The following ASIC2 variants were observed in gnomAD, a reference collection of about 807,000 sequenced individuals.
ASIC2 encodes acid-sensing ion channel 2.
Under a neutral mutation model 57.3 loss-of-function variants are expected in ASIC2, and 25 were observed. The ratio of observed to expected loss-of-function variants is 0.44; its 90% confidence interval spans 0.32 to 0.61. The LOEUF (loss-of-function observed/expected upper bound fraction) is 0.61. ASIC2 is among the 20% of genes least tolerant of loss of function. The pLI, the probability that ASIC2 is intolerant of heterozygous loss-of-function variation, is 0.06. For missense variants in ASIC2, 641 were observed against 738.1 expected (o/e 0.87, Z 1.52); for synonymous variants, 319 against 307.5 (o/e 1.04, Z -0.39).
chr17:33,399,144 G>C (rs34187563), intron 1 of ASIC2, among the ~76,000 whole-genome samples: 19,020 of 152,058 alleles, frequency 0.13, 1,256 homozygotes, highest in Middle Eastern at 0.15. Flanking sequence ...GAAATATGGG[G>C]TTGGAGGTGC....
At chr17:33,275,467 C>A (rs1467928796) in intron 1 of ASIC2, among the ~76,000 whole-genome samples, 1 of 152,206 alleles carries the variant, frequency 6.6e-6, no homozygotes, top group Non-Finnish European at 1.5e-5. Flanking sequence ...CAATTAATGA[C>A]TCCCAGTGGC....
At chr17:34,054,411 G>A (rs1185474867) in intron 1 of ASIC2, among the ~76,000 whole-genome samples, 1 of 152,142 alleles carries the variant, frequency 6.6e-6, no homozygotes, top group Non-Finnish European at 1.5e-5. Context: ...TCTACTTCCT[G>A]GCTCACAGTA....
At chr17:33,778,745 G>A (rs1911359531) in intron 1 of ASIC2, among the ~76,000 whole-genome samples, 1 of 152,180 alleles carries the variant, frequency 6.6e-6, no homozygotes, top group African/African-American at 2.4e-5. Context: ...AGATGGGAAA[G>A]AGTAACTAAA....
At chr17:33,514,373 C>T (rs539138802) in intron 1 of ASIC2, among the ~76,000 whole-genome samples, 1 of 152,238 alleles carries the variant, frequency 6.6e-6, no homozygotes, top group Admixed American at 6.5e-5. Context: ...CTCCATCTCC[C>T]CATCCTCTCT....
At chr17:33,123,730 G>T (rs1412230115) in intron 1 of ASIC2, among the ~76,000 whole-genome samples, 1 of 152,204 alleles carries the variant, frequency 6.6e-6, no homozygotes, top group Admixed American at 6.5e-5. Flanking sequence ...ATGGGCTTGG[G>T]TGGGCTAATT....
chr17:33,673,697 CG>C (rs1000287910), intron 1 of ASIC2, among the ~76,000 whole-genome samples: 9 of 152,124 alleles, frequency 5.9e-5, no homozygotes, highest in Non-Finnish European at 5.9e-5. Context: ...AAAACTCTCT[CG>C]GGGAGAAACA....
At chr17:33,755,320 AACCC>A (rs1243097320) in intron 1 of ASIC2, among the ~76,000 whole-genome samples, 1 of 152,182 alleles carries the variant, frequency 6.6e-6, no homozygotes, top group East Asian at 1.9e-4. Flanking sequence ...AGCCCAGTGA[AACCC>A]ATTTCCAATT....
chr17:33,918,849 T>C (rs11869615), intron 1 of ASIC2, among the ~76,000 whole-genome samples: 70,224 of 152,092 alleles, frequency 0.46, 17,141 homozygotes, highest in South Asian at 0.59. Context: ...CTACTGTACA[T>C]GAGTCATGCA....
intron 1 of ASIC2, among the ~76,000 whole-genome samples, chr17:33,768,607 G>T (rs1911004331): frequency 6.6e-6 from 1 of 152,142 alleles, no homozygotes; most frequent in African/African-American, 2.4e-5. Context: ...ACAGGGGCAG[G>T]TCCCCAGTGA....
chr17:33,885,484 A>G (rs1054357167), intron 1 of ASIC2, among the ~76,000 whole-genome samples: 3 of 152,200 alleles, frequency 2.0e-5, no homozygotes, highest in Non-Finnish European at 4.4e-5. Flanking sequence ...TGTTTTTAGC[A>G]GTACTTATAC....
At chr17:33,772,888 C>T (rs1333588107) in intron 1 of ASIC2, among the ~76,000 whole-genome samples, 2 of 152,156 alleles carry the variant, frequency 1.3e-5, no homozygotes, top group Non-Finnish European at 2.9e-5. Context: ...AAACCGGATA[C>T]TTCCCAAAGA....
chr17:34,055,550 A>G (rs895547841), intron 1 of ASIC2, among the ~76,000 whole-genome samples: 2 of 152,092 alleles, frequency 1.3e-5, no homozygotes, highest in African/African-American at 4.8e-5. Flanking sequence ...CTCTTAATCA[A>G]TCCCTACCAA....
chr17:33,118,477 AC>A (rs2092289099), intron 1 of ASIC2, among the ~76,000 whole-genome samples: 1 of 152,042 alleles, frequency 6.6e-6, no homozygotes, highest in South Asian at 2.1e-4. Flanking sequence ...ATACTCTTTG[AC>A]CCCATCCCTC....
chr17:34,005,609 C>T (rs955585507), intron 1 of ASIC2: 4 of 152,198 alleles, frequency 2.6e-5, no homozygotes, highest in Non-Finnish European at 5.9e-5. Context: ...TTCTCCACAC[C>T]TCTGGGCCAC....
chr17:33,251,712 T>C (rs1342309325), intron 1 of ASIC2, among the ~76,000 whole-genome samples: 1 of 152,140 alleles, frequency 6.6e-6, no homozygotes, highest in Non-Finnish European at 1.5e-5. Context: ...ACTTTGCATA[T>C]GGGGAAACTG....
At chr17:33,339,902 C>T (rs1445207400) in intron 1 of ASIC2, among the ~76,000 whole-genome samples, 1 of 152,058 alleles carries the variant, frequency 6.6e-6, no homozygotes, top group Non-Finnish European at 1.5e-5. Flanking sequence ...AATCCATCAC[C>T]CGACCCCAAC....
intron 1 of ASIC2, among the ~76,000 whole-genome samples, chr17:33,430,983 C>T (rs900711583): frequency 2.6e-5 from 4 of 152,104 alleles, no homozygotes; most frequent in Non-Finnish European, 5.9e-5. Flanking sequence ...CCACTAAAGA[C>T]CACAAGCCCT....
At chr17:33,349,207 G>T (rs1372436311) in intron 1 of ASIC2, among the ~76,000 whole-genome samples, 2 of 152,184 alleles carry the variant, frequency 1.3e-5, no homozygotes, top group African/African-American at 4.8e-5. Context: ...AGAGAAGCCA[G>T]AAATCTGGAT....
chr17:34,023,198 C>T (rs954317737), intron 1 of ASIC2, among the ~76,000 whole-genome samples: 1 of 152,048 alleles, frequency 6.6e-6, no homozygotes, highest in Non-Finnish European at 1.5e-5. Context: ...TGCCCCAAAT[C>T]AACTCCTCAT....
Sources: gnomAD v4.1 joint callset for allele counts (sites outside exome capture counted in the v4.1 genomes callset) on GRCh38, gnomAD v4.1.1 for gene constraint, MANE v1.5 for transcripts, NCBI Gene and HGNC (gene_info 2026-07-23, HGNC 2026-07-21) for gene names.